The following PIEZO2 variants were observed in gnomAD, a reference collection of about 807,000 sequenced individuals.
PIEZO2 encodes the protein piezo type mechanosensitive ion channel component 2.
Under a neutral mutation model 337.3 loss-of-function variants are expected in PIEZO2, and 172 were observed. The ratio of observed to expected loss-of-function variants is 0.51; its 90% CI spans 0.45 to 0.58. PIEZO2 has a LOEUF of 0.58. Among genes scored for constraint, PIEZO2 ranks in the 20% least tolerant of loss-of-function variants. PIEZO2 has a pLI of 0.00. For synonymous variants in PIEZO2, 1,251 were observed against 1,228.5 expected, an observed-to-expected ratio of 1.02 and a Z score of -0.38; for missense variants, 3,028 against 3,391.3, an observed-to-expected ratio of 0.89 and a Z score of 2.66.
At chr18:10,816,825 T>C (rs1314690300) in intron 7 of PIEZO2, among the ~76,000 whole-genome samples, 2 of 152,214 alleles carry the variant, frequency 1.3e-5, no homozygotes, top group Non-Finnish European at 2.9e-5. Context: ...CTTGTATTTT[T>C]GCTTTTTTGC....
At chr18:10,935,218 G>A (rs577054046) in intron 3 of PIEZO2, among the ~76,000 whole-genome samples, 124 of 152,294 alleles carry the variant, frequency 8.1e-4, no homozygotes, top group African/African-American at 2.9e-3. Context: ...TGCTGTGGGA[G>A]ACCTGCAGAA....
Position 11,109,561 on chromosome 18 carries a change from CA to C in PIEZO2, c.64+38963del, listed in dbSNP as rs572341738. Among the ~76,000 whole-genome samples, 2 of 151,954 alleles carry C rather than the reference CA, an allele frequency of 1.3e-5. No homozygotes were observed. The highest frequency in any genetic ancestry group is 1.3e-4 in the Admixed American group (2 of 15,252). Reference sequence around the variant, plus strand: ...CGAAACCCCGTCTCTACTGAAAATACAAAAAAATTAGCCGGGCATGGTGGCA... The same window carrying C: ...CGAAACCCCGTCTCTACTGAAAATACAAAAAATTAGCCGGGCATGGTGGCA... On this transcript the variant is annotated intron_variant, in intron 1 of 55. Transcript: ENST00000674853. The surrounding 1 kb of genome is among the most constrained non-coding windows in gnomAD (Gnocchi z 5.1).
intron 2 of PIEZO2, among the ~76,000 whole-genome samples, chr18:10,983,104 A>T (rs967934525): frequency 6.6e-6 from 1 of 152,208 alleles, no homozygotes; most frequent in Non-Finnish European, 1.5e-5. Flanking sequence ...TATTGCTCAG[A>T]AACATACCAG....
Position 10,863,087 on chromosome 18 carries a change from G to A in PIEZO2, c.493-5876C>T, listed in dbSNP as rs1257716789. On this transcript the variant is annotated intron_variant, in intron 5 of 55. Coordinates refer to ENST00000674853, the MANE Select transcript of PIEZO2 (RefSeq NM_001378183.1). This position sits in a 1 kb window ranked among gnomAD's most constrained non-coding sequence, Gnocchi z 4.3. ...ATGTATAATGAGCCAAAAGATCTGG[G>A]AGGCAAAAGGAGCATTTTTCTGAAG... Among the ~76,000 whole-genome samples, 3 of 152,158 alleles carry A rather than the reference G, an allele frequency of 2.0e-5. No homozygotes were observed. The highest frequency in any genetic ancestry group is 4.8e-5 in the African/African-American group (2 of 41,424).
rs1296542956 is a variant in PIEZO2 at position 11,131,498 on chromosome 18, C to A, written c.64+17027G>T. Reference sequence around the variant, plus strand: ...TATGTAGGCACCATGTGAACATGGACAGCTGCAGCACTACAGCCCCTTTCT... The same window carrying A: ...TATGTAGGCACCATGTGAACATGGAAAGCTGCAGCACTACAGCCCCTTTCT... On this transcript the variant is annotated intron_variant, in intron 1 of 55. Transcript: ENST00000674853. The surrounding 1 kb of genome is among the most constrained non-coding windows in gnomAD (Gnocchi z 5.3). Among the ~76,000 whole-genome samples the A allele has an allele frequency of 6.6e-6, 1 of 152,194 alleles. No homozygotes were observed. Among genetic ancestry groups the A allele is most frequent in the African/African-American group, 2.4e-5 (1 of 41,442 alleles).
chr18:10,949,737 C>A (rs544857398), intron 3 of PIEZO2, among the ~76,000 whole-genome samples: 1 of 152,238 alleles, frequency 6.6e-6, no homozygotes, highest in Admixed American at 6.5e-5. Flanking sequence ...TCCAGACCCT[C>A]TAAGAAGTCA....
Position 11,009,790 on chromosome 18 carries a change from C to T in PIEZO2, c.161-30130G>A, listed in dbSNP as rs185464915. Among the ~76,000 whole-genome samples, 66 of 152,082 alleles carry T rather than the reference C, an allele frequency of 4.3e-4. No individual in the cohort carries two copies. In the South Asian group the frequency reaches 6.9e-3, roughly 16 times the overall value. ...CGAGGTCATAGAGGTGGGCCTAATC[C>T]AGTATGCCCGGTGTCCTTGTAAGAA... On this transcript the variant is annotated intron_variant, in intron 2 of 55. Transcript: ENST00000674853. The surrounding 1 kb of genome is among the most constrained non-coding windows in gnomAD (Gnocchi z 4.6).
Position 11,143,510 on chromosome 18 carries a change from T to C in PIEZO2, c.64+5015A>G, listed in dbSNP as rs2040714385. On this transcript the variant is annotated intron_variant, in intron 1 of 55. Transcript: ENST00000674853. The surrounding 1 kb of genome is among the most constrained non-coding windows in gnomAD (Gnocchi z 4.9). ...AATATGTAATTGTTCTAAATATTGT[T>C]TTTAAGTCCTATTAATCAGAAAAAT... Among the ~76,000 whole-genome samples the C allele has an allele frequency of 6.6e-6, 1 of 152,072 alleles. No homozygotes were observed. Among genetic ancestry groups the C allele is most frequent in the African/African-American group, 2.4e-5 (1 of 41,398 alleles).
intron 4 of PIEZO2, among the ~76,000 whole-genome samples, chr18:10,901,820 A>C: frequency 6.6e-6 from 1 of 152,076 alleles, no homozygotes; most frequent in Non-Finnish European, 1.5e-5. Context: ...ATCAAATACA[A>C]AGTCAGATCC....
At chr18:10,852,955 A>C (rs1385849580) in intron 7 of PIEZO2, among the ~76,000 whole-genome samples, 1 of 152,186 alleles carries the variant, frequency 6.6e-6, no homozygotes, top group Non-Finnish European at 1.5e-5. Context: ...TTGGGAAGGC[A>C]GTCTCCCAAT....
At chr18:10,941,799 C>G (rs1160460924) in intron 3 of PIEZO2, among the ~76,000 whole-genome samples, 1 of 152,176 alleles carries the variant, frequency 6.6e-6, no homozygotes, top group African/African-American at 2.4e-5. Flanking sequence ...AAATAGGAAG[C>G]AAAAGACCAA....
At chr18:10,974,916 C>T (rs1462816725) in intron 3 of PIEZO2, among the ~76,000 whole-genome samples, 1 of 152,202 alleles carries the variant, frequency 6.6e-6, no homozygotes. Flanking sequence ...CTGCTCAGCT[C>T]CTCCTCAGGC....
rs376604622 is a variant in PIEZO2 at position 10,682,061 on chromosome 18, C to T, written c.7686+43G>A. The T allele has an allele frequency of 4.9e-5, 73 of 1,486,868 alleles. No homozygotes were observed. Among genetic ancestry groups the T allele is most frequent in the Middle Eastern group, 3.6e-4 (2 of 5,628 alleles). 92.1% of individuals were successfully genotyped at this position (1,486,868 alleles called of 1,614,324 possible). A position where few individuals can be genotyped will look rare whatever the true frequency, so the allele number is the denominator to read the frequency against. On this transcript the variant is annotated intron_variant, in intron 50 of 55. Transcript: ENST00000674853. This position sits in a 1 kb window ranked among gnomAD's most constrained non-coding sequence, Gnocchi z 5.6. ...AGACAGCTATCATAAAGGAATGTGG[C>T]GTGGGGCAAGGCTCTGGTAGGTGGG...
intron 20 of PIEZO2, among the ~76,000 whole-genome samples, chr18:10,770,693 T>C (rs1450977637): frequency 6.6e-6 from 1 of 152,074 alleles, no homozygotes; most frequent in African/African-American, 2.4e-5. Context: ...TATTTACTTT[T>C]CTTTCTTTCT....
rs533982608 is a variant in PIEZO2 at position 10,856,562 on chromosome 18, G to A, written c.703+439C>T. ...GGAAGATTACAATCTAACTTAGGAA[G>A]AAAAATAGTCTATCCTGGAGAGTTA... On this transcript the variant is annotated intron_variant, in intron 6 of 55. Transcript: ENST00000674853. The surrounding 1 kb of genome is among the most constrained non-coding windows in gnomAD (Gnocchi z 4.7). 3.9e-5 allele frequency among the ~76,000 whole-genome samples: 6 copies of A among 152,250 alleles called. No homozygotes were observed. Among genetic ancestry groups the A allele is most frequent in the African/African-American group, 1.2e-4 (5 of 41,542 alleles).
intron 3 of PIEZO2, among the ~76,000 whole-genome samples, chr18:10,916,913 C>T (rs565614604): frequency 1.3e-5 from 2 of 152,272 alleles, no homozygotes; most frequent in African/African-American, 4.8e-5. Flanking sequence ...CTCCTGCCAT[C>T]TGATTATAAT....
At chr18:10,691,437 A>G in intron 47 of PIEZO2, 54 bp from the exon 48 acceptor site, 15 of 1,549,580 alleles carry the variant, frequency 9.7e-6, no homozygotes, top group Non-Finnish European at 1.3e-5. Flanking sequence ...CTGAAACAAA[A>G]GGATGGCAGT....
chr18:11,072,863 G>C lies in PIEZO2; in HGVS notation c.65-6641C>G, dbSNP rs148504792. 2.6e-5 allele frequency among the ~76,000 whole-genome samples: 4 copies of C among 152,268 alleles called. No individual in the cohort carries two copies. In the East Asian group the frequency reaches 7.7e-4, roughly 29 times the overall value. On this transcript the variant is annotated intron_variant, in intron 1 of 55. Transcript: ENST00000674853. ...GGTCAAGGCCGGGCTAGGATTACAG[G>C]TATAAGCCACCTCCCCCAGGCAACA... is the stretch of plus-strand genomic sequence containing the variant.
At chr18:10,785,249 C>T (rs1055084216) in intron 16 of PIEZO2, among the ~76,000 whole-genome samples, 2 of 152,200 alleles carry the variant, frequency 1.3e-5, no homozygotes, top group African/African-American at 4.8e-5. Flanking sequence ...CACCATCACA[C>T]TCTCTTGGTT....
Sources: gnomAD v4.1 joint callset for allele counts (sites outside exome capture counted in the v4.1 genomes callset) on GRCh38, gnomAD v4.1.1 for gene constraint, Gnocchi (gnomAD v3.1) non-coding constraint, MANE v1.5 for transcripts, NCBI Gene and HGNC (gene_info 2026-07-23, HGNC 2026-07-21) for gene names.